The following ENG variants were observed in gnomAD, a reference collection of about 807,000 sequenced individuals.
The protein encoded by ENG is endoglin.
In ENG, 17 loss-of-function variants were observed where a neutral mutation model predicts 71.0. The observed-to-expected ratio is 0.24, with a 90% confidence interval of 0.16 to 0.36. The LOEUF (loss-of-function observed/expected upper bound fraction) is 0.36. ENG is among the 10% of genes least tolerant of loss of function. The pLI is 1.00. For missense variants in ENG, 749 were observed against 868.3 expected, an observed-to-expected ratio of 0.86 and a Z score of 1.73; for synonymous variants, 360 against 366.9, an observed-to-expected ratio of 0.98 and a Z score of 0.21.
At chr9:127,824,533 T>TG in intron 7 of ENG, 87 bp from the exon 8 acceptor site, 1 of 1,431,412 alleles carries the variant, frequency 7.0e-7, no homozygotes, top group Non-Finnish European at 9.2e-7. Flanking sequence ...TTTTTTTTTT[T>TG]TTTGAGACGG....
rs765936911 is a variant in ENG, at chr9:127,825,223, C to T, written c.816+8G>A. 4.3e-6 allele frequency: 7 copies of T among 1,612,936 alleles called. No individual in the cohort carries two copies. In the Admixed American group the frequency reaches 1.0e-4, roughly 23 times the overall value. ...GGTTTTGTGTCCCGGGAGCTGCGCA[C>T]AACTCACCCAGATCTGCATGTTGTG... On this transcript the variant is annotated splice_region_variant and intron_variant, in intron 6 of 14. Transcript: ENST00000373203.
chr9:127,843,303 C>T, intron 1 of ENG, 58 bp from the exon 2 acceptor site: 1 of 1,612,074 alleles, frequency 6.2e-7, no homozygotes, highest in Admixed American at 1.7e-5. Context: ...ACAATGACTC[C>T]TACTTTCCAA....
intron 1 of ENG, among the ~76,000 whole-genome samples, chr9:127,847,642 G>A (rs903075988): frequency 6.6e-6 from 1 of 152,058 alleles, no homozygotes; most frequent in East Asian, 1.9e-4. Context: ...TAGAGACGGG[G>A]TTTCGCCGTA....
intron 11 of ENG, 115 bp from the exon 12 acceptor site, chr9:127,818,492 G>C (rs1165611970): frequency 3.2e-6 from 5 of 1,549,118 alleles, no homozygotes; most frequent in Non-Finnish European, 3.5e-6. Context: ...CCTCACAGTG[G>C]AAAGAAAGAC....
At position 127,818,196 on chromosome 9, in the gene ENG, T is replaced by C. The variant is rs532853893; in HGVS notation, c.1610A>G (p.Tyr537Cys). The change falls in exon 12 of 15, where the codon TAC becomes TGC. Residue 537 changes from tyrosine to cysteine, a missense_variant. By Grantham distance (194) the Tyr-to-Cys change is radical. Transcript: ENST00000373203. ...DPRFSFLLHF[Y>C]TVPIPKTGTL... is the part of the protein sequence containing the mutation. ...GCCGGTTTTGGGTATGGGTACTGTG[T>C]AGAAGTGGAGGAGGAAGCTGAAGCG... The C allele has an allele frequency of 1.2e-6, 2 of 1,614,044 alleles. No homozygotes were observed. Among genetic ancestry groups the C allele is most frequent in the South Asian group, 2.2e-5 (2 of 91,090 alleles).
At chr9:127,826,075 G>A (rs540676553) in intron 4 of ENG, among the ~76,000 whole-genome samples, 3 of 152,292 alleles carry the variant, frequency 2.0e-5, no homozygotes, top group African/African-American at 7.2e-5. Context: ...TTAACATAAG[G>A]GATGAGCCCA....
chr9:127,816,578 C>T (rs568972596), intron 13 of ENG: 1 of 252,374 alleles, frequency 4.0e-6, no homozygotes, highest in African/African-American at 2.2e-5. Flanking sequence ...GATTCTGTGT[C>T]ATGGGGTTAT....
At chr9:127,820,824 G>A (rs934243203) in intron 8 of ENG, among the ~76,000 whole-genome samples, 8 of 148,898 alleles carry the variant, frequency 5.4e-5, no homozygotes, top group African/African-American at 1.5e-4. Flanking sequence ...GCGAGACTCC[G>A]TCTCAAAAAA....
Position 127,838,850 on chromosome 9 carries a change from G to A in ENG, c.219+4244C>T, listed in dbSNP as rs1180001929. 2.0e-5 allele frequency among the ~76,000 whole-genome samples: 3 copies of A among 152,074 alleles called. No individual in the cohort carries two copies. The highest frequency in any genetic ancestry group is 4.8e-5 in the African/African-American group (2 of 41,402). ...CTGTCTGCAGACCTGCCCAGCACAC[G>A]CACTGAGCGGCACTTCCCCAAGGCT... On this transcript the variant is annotated intron_variant, in intron 2 of 14. Coordinates refer to ENST00000373203, the MANE Select transcript of ENG (RefSeq NM_001114753.3). This position sits in a 1 kb window ranked among gnomAD's most constrained non-coding sequence, Gnocchi z 4.3.
At chr9:127,835,042 C>A (rs1464067248) in intron 2 of ENG, among the ~76,000 whole-genome samples, 2 of 152,046 alleles carry the variant, frequency 1.3e-5, no homozygotes, top group Non-Finnish European at 2.9e-5. Context: ...CCCTCTGTTG[C>A]CCAGGCTGGA....
In ENG at chr9:127,816,045, T is replaced by G. The variant is rs374591551; in HGVS notation, c.1750A>C (p.Ser584Arg). 1.2e-6 allele frequency: 2 copies of G among 1,609,856 alleles called. No homozygotes were observed. Among genetic ancestry groups the G allele is most frequent in the African/African-American group, 2.7e-5 (2 of 74,876 alleles). The change falls in exon 14 of 15, where the codon AGC becomes CGC. Residue 584 changes from serine (S) to arginine (R), a missense_variant. Transcript: ENST00000373203. Reference protein sequence around the residue: ...IISPDLSGCTSKGLVLPAVLG... With the variant: ...IISPDLSGCTRKGLVLPAVLG... ...ACGGCGGGCAGGACGAGGCCTTTGC[T>G]TGTGCAACCTAGAGAGGGCCGACGC...
rs1426586579 is a variant in ENG, at chr9:127,836,104, C to T, written c.220-6277G>A. Reference sequence around the variant, plus strand: ...AACATTTCCCTCCCCACGGCCCTGACTCACCGCCACGGCCACTCACACGCA... The same window carrying T: ...AACATTTCCCTCCCCACGGCCCTGATTCACCGCCACGGCCACTCACACGCA... On this transcript the variant is annotated intron_variant, in intron 2 of 14. Coordinates refer to ENST00000373203, the MANE Select transcript of ENG (RefSeq NM_001114753.3). The surrounding 1 kb of genome is among the most constrained non-coding windows in gnomAD (Gnocchi z 4.0). 1.3e-5 allele frequency among the ~76,000 whole-genome samples: 2 copies of T among 152,238 alleles called. No individual in the cohort carries two copies. Among genetic ancestry groups the T allele is most frequent in the African/African-American group, 4.8e-5 (2 of 41,464 alleles).
At chr9:127,833,711 A>G (rs2131901888) in intron 2 of ENG, among the ~76,000 whole-genome samples, 1 of 152,256 alleles carries the variant, frequency 6.6e-6, no homozygotes, top group South Asian at 2.1e-4. Flanking sequence ...CTATTTCAAG[A>G]TGAAGACACC....
At position 127,818,311 on chromosome 9, in the gene ENG, G is replaced by C. The variant is rs1366942086; in HGVS notation, c.1495C>G (p.Pro499Ala). 1 of 1,614,072 alleles carries C rather than the reference G, an allele frequency of 6.2e-7. No individual in the cohort carries two copies. The highest frequency in any genetic ancestry group is 2.2e-5 in the East Asian group (1 of 44,876). The change falls in exon 12 of 15, where the codon CCT (proline) becomes GCT (alanine). Residue 499 changes from proline (P) to alanine (A), a missense_variant. By Grantham distance (27) the Pro-to-Ala change is conservative (BLOSUM62 -1). Coordinates refer to ENST00000373203, the MANE Select transcript of ENG (RefSeq NM_001114753.3). ...ATGAGTTCCACGGTGCCTCCCTCAG[G>C]CCCCAAGTCCAGGTGGCAGCTGTCT... is the stretch of plus-strand genomic sequence containing the variant. ...QLDSCHLDLG[P>A]EGGTVELIQG...
Position 127,818,389 on chromosome 9 carries a change from G to A in ENG, c.1429-12C>T. Reference sequence around the variant, plus strand: ...GGGGACACTCTGACCTGCATGGGTAGGTAGGGCCACGCGGCATGGGCAGCT... The same window carrying A: ...GGGGACACTCTGACCTGCATGGGTAAGTAGGGCCACGCGGCATGGGCAGCT... On this transcript the variant is annotated splice_polypyrimidine_tract_variant and intron_variant, in intron 11 of 14. Coordinates refer to ENST00000373203, the MANE Select transcript of ENG (RefSeq NM_001114753.3). 1 of 1,612,836 alleles carries A rather than the reference G, an allele frequency of 6.2e-7. No individual in the cohort carries two copies.
chr9:127,849,523 C>T (rs532796414), intron 1 of ENG, among the ~76,000 whole-genome samples: 9 of 152,176 alleles, frequency 5.9e-5, no homozygotes, highest in South Asian at 4.2e-4. Flanking sequence ...TGGGGAAGAG[C>T]GGGGGTGGAT....
intron 12 of ENG, 43 bp downstream of exon 12, chr9:127,818,077 G>A: frequency 6.2e-7 from 1 of 1,613,534 alleles, no homozygotes; most frequent in Non-Finnish European, 8.5e-7. Flanking sequence ...CACAGACCTG[G>A]AAGCTCCCAC....
intron 5 of ENG, 36 bp from the exon 6 acceptor site, chr9:127,825,393 G>C (rs747532721): frequency 6.2e-7 from 1 of 1,605,372 alleles, no homozygotes; most frequent in Non-Finnish European, 8.5e-7. Context: ...ACACTGAAGC[G>C]GACAGGCCAG....
chr9:127,835,828 C>T lies in ENG; in HGVS notation c.220-6001G>A, dbSNP rs544301058. On this transcript the variant is annotated intron_variant, in intron 2 of 14. Coordinates refer to ENST00000373203, the MANE Select transcript of ENG (RefSeq NM_001114753.3). ...TGGTCATGCTGTCTGTGAGGGGTGACGAGGAGGCTGGAACTTCGGAATGTT... is the reference window on the plus strand; with the variant it reads ...TGGTCATGCTGTCTGTGAGGGGTGATGAGGAGGCTGGAACTTCGGAATGTT... Among the ~76,000 whole-genome samples the T allele has an allele frequency of 9.9e-5, 15 of 152,200 alleles. No individual in the cohort carries two copies. In the South Asian group the frequency reaches 1.9e-3, roughly 19 times the overall value.
Sources: gnomAD v4.1 joint callset for allele counts (sites outside exome capture counted in the v4.1 genomes callset) on GRCh38, gnomAD v4.1.1 for gene constraint, Gnocchi (gnomAD v3.1) non-coding constraint, MANE v1.5 for transcripts, NCBI Gene and HGNC (gene_info 2026-07-23, HGNC 2026-07-21) for gene names.